Variants in ACCSL observed in about 807,000 individuals in gnomAD.
ACCSL encodes 1-aminocyclopropane-1-carboxylate synthase homolog (inactive) like, also known as probable inactive 1-aminocyclopropane-1-carboxylate synthase-like protein 2.
A neutral mutation model predicts 61.7 loss-of-function variants in ACCSL; 55 were observed. The ratio of observed to expected loss-of-function variants is 0.89; its 90% CI spans 0.72 to 1.12. The LOEUF (loss-of-function observed/expected upper bound fraction) is 1.12, where lower values mean the gene tolerates loss of function less well. ACCSL is among the 50% of genes most tolerant of loss of function. The probability of loss-of-function intolerance (pLI) is 0.00; values close to 1 mark genes in which losing one functional copy is unlikely to be tolerated. For synonymous variants in ACCSL, 258 were observed against 264.3 expected, an observed-to-expected ratio of 0.98 and a Z score of 0.23; for missense variants, 632 against 698.0, an observed-to-expected ratio of 0.91 and a Z score of 1.07.
the ACCSL span, among the ~76,000 whole-genome samples, chr11:44,019,264 A>G: frequency 0.067 from 10,193 of 152,308 alleles, 374 homozygotes; most frequent in Middle Eastern, 0.095. Context: ...TTGCCTGCAC[A>G]TATGTTTCAA....
chr11:43,926,010 C>T, the ACCSL span, among the ~76,000 whole-genome samples: 6 of 152,208 alleles, frequency 3.9e-5, no homozygotes, highest in Admixed American at 1.3e-4. Flanking sequence ...CCCTGTGACC[C>T]TGCCTTTCCC....
the ACCSL span, chr11:43,973,908 T>C: frequency 6.6e-6 from 1 of 152,174 alleles, no homozygotes; most frequent in Non-Finnish European, 1.5e-5. Context: ...CATTATAACA[T>C]GAGGAATTTG....
chr11:43,988,878 C>G, the ACCSL span, among the ~76,000 whole-genome samples: 1 of 144,432 alleles, frequency 6.9e-6, no homozygotes, highest in Non-Finnish European at 1.5e-5. Context: ...TCAAGCAATC[C>G]TCTCTCCTCG....
chr11:44,015,716 T>G, the ACCSL span, among the ~76,000 whole-genome samples: 3 of 152,178 alleles, frequency 2.0e-5, no homozygotes, highest in African/African-American at 7.2e-5. Context: ...TGGAGCTAAT[T>G]CCCAGCAGGA....
At chr11:43,985,114 C>G in the ACCSL span, among the ~76,000 whole-genome samples, 1 of 152,198 alleles carries the variant, frequency 6.6e-6, no homozygotes, top group Non-Finnish European at 1.5e-5. Context: ...CCCAGGTTCC[C>G]TCCTGGCTGC....
the ACCSL span, among the ~76,000 whole-genome samples, chr11:44,003,445 G>A: frequency 6.6e-6 from 1 of 152,120 alleles, no homozygotes; most frequent in South Asian, 2.1e-4. Flanking sequence ...TTGAGGCCAG[G>A]AGTTCAAGAC....
At chr11:43,967,326 T>C in the ACCSL span, among the ~76,000 whole-genome samples, 3 of 151,762 alleles carry the variant, frequency 2.0e-5, no homozygotes, top group African/African-American at 7.3e-5. Context: ...TACAGGCACC[T>C]GTCACCATGC....
chr11:43,976,343 G>A, the ACCSL span, among the ~76,000 whole-genome samples: 4 of 152,226 alleles, frequency 2.6e-5, no homozygotes, highest in South Asian at 2.1e-4. Flanking sequence ...TCACATCCTC[G>A]TATCATTCCC....
the ACCSL span, among the ~76,000 whole-genome samples, chr11:43,977,562 C>G: frequency 0.18 from 27,406 of 152,248 alleles, 3,433 homozygotes; most frequent in East Asian, 0.46. Context: ...TGCAACTCAG[C>G]TGACACCTTG....
At chr11:43,954,074 G>A in the ACCSL span, among the ~76,000 whole-genome samples, 1 of 152,114 alleles carries the variant, frequency 6.6e-6, no homozygotes, top group Non-Finnish European at 1.5e-5. Flanking sequence ...TATGTCACGG[G>A]ACCATGAGGA....
At chr11:44,017,753 G>A in the ACCSL span, among the ~76,000 whole-genome samples, 1 of 152,128 alleles carries the variant, frequency 6.6e-6, no homozygotes, top group Non-Finnish European at 1.5e-5. Context: ...GGACATTCAG[G>A]TGGATCATAC....
the ACCSL span, among the ~76,000 whole-genome samples, chr11:43,939,981 C>T: frequency 6.6e-6 from 1 of 152,124 alleles, no homozygotes; most frequent in African/African-American, 2.4e-5. Context: ...GTTCTGTCTT[C>T]AGGGAAATCC....
At chr11:43,951,620 C>G in the ACCSL span, among the ~76,000 whole-genome samples, 1 of 152,162 alleles carries the variant, frequency 6.6e-6, no homozygotes, top group Non-Finnish European at 1.5e-5. Context: ...TTTGACCCCC[C>G]AAAGCAACCC....
At chr11:44,025,193 G>T in the ACCSL span, among the ~76,000 whole-genome samples, 1 of 151,962 alleles carries the variant, frequency 6.6e-6, no homozygotes, top group Non-Finnish European at 1.5e-5. Context: ...GTTTACACTT[G>T]CCATTTTGTT....
At chr11:43,956,576 C>T in the ACCSL span, among the ~76,000 whole-genome samples, 8 of 152,130 alleles carry the variant, frequency 5.3e-5, no homozygotes, top group East Asian at 1.9e-4. Flanking sequence ...CGTGCCACCA[C>T]ACCCGGCTAA....
At chr11:44,034,372 T>C in the ACCSL span, among the ~76,000 whole-genome samples, 4 of 152,236 alleles carry the variant, frequency 2.6e-5, no homozygotes, top group Non-Finnish European at 5.9e-5. Context: ...GAAACCCCGA[T>C]GAAGACCTTA....
chr11:43,952,267 C>T, the ACCSL span, among the ~76,000 whole-genome samples: 1 of 152,082 alleles, frequency 6.6e-6, no homozygotes, highest in African/African-American at 2.4e-5. Flanking sequence ...TCGTTCCTTT[C>T]TTTGTGTTCA....
chr11:44,009,049 T>C, the ACCSL span, among the ~76,000 whole-genome samples: 1 of 152,024 alleles, frequency 6.6e-6, no homozygotes, highest in South Asian at 2.1e-4. Context: ...GTAAATGTGG[T>C]CCCAGCTACC....
At chr11:44,039,498 C>G in the ACCSL span, among the ~76,000 whole-genome samples, 4 of 150,232 alleles carry the variant, frequency 2.7e-5, no homozygotes, top group Non-Finnish European at 3.0e-5. Context: ...TTTGGGGACT[C>G]GGGGGGAAAG....
Sources: gnomAD v4.1 joint callset for allele counts (sites outside exome capture counted in the v4.1 genomes callset) on GRCh38, gnomAD v4.1.1 for gene constraint, MANE v1.5 for transcripts, NCBI Gene and HGNC (gene_info 2026-07-23, HGNC 2026-07-21) for gene names.